The following FER variants were observed in gnomAD, a reference collection of about 807,000 sequenced individuals.
FER encodes the protein FER tyrosine kinase.
A neutral mutation model predicts 111.0 loss-of-function variants in FER; 63 were observed. The ratio of observed to expected loss-of-function variants is 0.57; its 90% CI spans 0.46 to 0.70. The LOEUF (loss-of-function observed/expected upper bound fraction) is 0.70, where lower values mean the gene tolerates loss of function less well. Among genes scored for constraint, FER ranks in the 30% least tolerant of loss-of-function variants. The pLI is 0.00. For missense variants in FER, 914 were observed against 954.0 expected (o/e 0.96, Z 0.55); for synonymous variants, 327 against 313.9 (o/e 1.04, Z -0.44).
intron 17 of FER, among the ~76,000 whole-genome samples, chr5:109,175,671 A>G (rs1757600539): frequency 1.3e-5 from 2 of 152,240 alleles, no homozygotes; most frequent in South Asian, 4.1e-4. Context: ...AACCTGTAGA[A>G]TGGAAGAAAA....
At position 109,030,190 on chromosome 5, in the gene FER, A is replaced by G. The variant is rs565242216; in HGVS notation, c.1657-7232A>G. Among the ~76,000 whole-genome samples, 14 of 152,116 alleles carry G rather than the reference A, an allele frequency of 9.2e-5. No individual in the cohort carries two copies. In the South Asian group the frequency reaches 2.3e-3, roughly 25 times the overall value. ...TCTTTTTTTAATAACTTCTGTTTCTATGGCTGAGATAATCTATGTGTTTTC... is the reference window on the plus strand; with the variant it reads ...TCTTTTTTTAATAACTTCTGTTTCTGTGGCTGAGATAATCTATGTGTTTTC... On this transcript the variant is annotated intron_variant, in intron 13 of 19. Transcript: ENST00000281092.
At chr5:109,055,196 G>A (rs891217796) in intron 16 of FER, among the ~76,000 whole-genome samples, 6 of 152,024 alleles carry the variant, frequency 3.9e-5, no homozygotes, top group Non-Finnish European at 8.8e-5. Context: ...TATAAAACCA[G>A]AAACAATAAA....
chr5:108,920,172 A>C (rs1752839209), intron 10 of FER, among the ~76,000 whole-genome samples: 1 of 152,108 alleles, frequency 6.6e-6, no homozygotes, highest in African/African-American at 2.4e-5. Context: ...AAATTGAGGT[A>C]TTTTATCACC....
chr5:109,054,643 G>C (rs565875094), intron 16 of FER, among the ~76,000 whole-genome samples: 1 of 151,734 alleles, frequency 6.6e-6, no homozygotes, highest in Admixed American at 6.6e-5. Context: ...ATACTTTTTT[G>C]ATGGTATATC....
At chr5:108,879,701 A>AAAAAAATATATATAT in intron 8 of FER, among the ~76,000 whole-genome samples, 25 of 99,096 alleles carry the variant, frequency 2.5e-4, no homozygotes, top group African/African-American at 1.1e-3. Context: ...ATTAAAAAAA[A>AAAAAAATATATATAT]ATATATATAT....
At chr5:108,982,466 C>G (rs1364737457) in intron 13 of FER, among the ~76,000 whole-genome samples, 3 of 152,002 alleles carry the variant, frequency 2.0e-5, no homozygotes, top group Non-Finnish European at 1.5e-5. Flanking sequence ...TCCTAATGAT[C>G]AAGAATCAGT....
intron 3 of FER, chr5:108,820,043 T>G (rs1350878231): frequency 3.0e-6 from 3 of 984,820 alleles, no homozygotes; most frequent in Non-Finnish European, 3.6e-6. Context: ...GGAAAGGGAA[T>G]GGGAAAGAGT....
intron 17 of FER, among the ~76,000 whole-genome samples, chr5:109,136,331 AG>A (rs1159952040): frequency 2.0e-5 from 3 of 152,004 alleles, no homozygotes; most frequent in African/African-American, 4.8e-5. Context: ...CAATAAAAAA[AG>A]GATTGAACAG....
At chr5:109,157,649 A>T (rs945477158) in intron 17 of FER, among the ~76,000 whole-genome samples, 1 of 151,970 alleles carries the variant, frequency 6.6e-6, no homozygotes, top group Non-Finnish European at 1.5e-5. Flanking sequence ...TATTTTCCTT[A>T]GTGACTTTCC....
chr5:109,015,650 C>T (rs1428168831), intron 13 of FER, among the ~76,000 whole-genome samples: 1 of 151,980 alleles, frequency 6.6e-6, no homozygotes, highest in Non-Finnish European at 1.5e-5. Context: ...GCAGGATCAG[C>T]ACATCATGCC....
chr5:109,106,390 C>T (rs917081341), intron 17 of FER, among the ~76,000 whole-genome samples: 1 of 151,920 alleles, frequency 6.6e-6, no homozygotes, highest in Non-Finnish European at 1.5e-5. Flanking sequence ...TAGAATGCCC[C>T]CTTATGCTTT....
chr5:109,085,813 C>G (rs1167189001), intron 16 of FER, among the ~76,000 whole-genome samples: 1 of 151,746 alleles, frequency 6.6e-6, no homozygotes, highest in Non-Finnish European at 1.5e-5. Context: ...GATACGATTA[C>G]ATGATTTTTC....
chr5:108,924,638 C>T, intron 10 of FER: 1 of 1,231,874 alleles, frequency 8.1e-7, no homozygotes, highest in Non-Finnish European at 1.0e-6. Flanking sequence ...CCCACTGTCA[C>T]TATCTCTTAG....
intron 16 of FER, among the ~76,000 whole-genome samples, chr5:109,057,699 A>G (rs562480443): frequency 6.6e-6 from 1 of 152,216 alleles, no homozygotes; most frequent in Non-Finnish European, 1.5e-5. Context: ...GAACCTGCAT[A>G]GTACCATATC....
At chr5:108,800,208 T>C (rs556417688) in intron 3 of FER, among the ~76,000 whole-genome samples, 6 of 152,198 alleles carry the variant, frequency 3.9e-5, no homozygotes, top group Admixed American at 2.0e-4. Context: ...CTTATCTGCT[T>C]TTCATTTTCT....
chr5:108,862,078 A>T (rs1580925624), intron 5 of FER, among the ~76,000 whole-genome samples: 1 of 152,196 alleles, frequency 6.6e-6, no homozygotes, highest in African/African-American at 2.4e-5. Context: ...ATCTGTCAAA[A>T]CATAACCTGA....
At chr5:108,871,581 A>G in intron 7 of FER, 79 bp downstream of exon 7, 2 of 1,058,796 alleles carry the variant, frequency 1.9e-6, no homozygotes, top group Non-Finnish European at 2.7e-6. Flanking sequence ...ACAGATAAAA[A>G]TAAGAAATAC....
chr5:108,894,710 C>T (rs747187934), intron 9 of FER: 13 of 209,478 alleles, frequency 6.2e-5, no homozygotes, highest in Non-Finnish European at 1.3e-4. Context: ...TTCCACATGC[C>T]TGGGGAGGCC....
chr5:109,164,027 A>C lies in FER; in HGVS notation c.2049-16720A>C, dbSNP rs192057313. ...TGTTGTATTAGTAGTCAGTCACCCAAATACCTAAGCTGCATAAAACCTAAA... is the reference window on the plus strand; with the variant it reads ...TGTTGTATTAGTAGTCAGTCACCCACATACCTAAGCTGCATAAAACCTAAA... On this transcript the variant is annotated intron_variant, in intron 17 of 19. Transcript: ENST00000281092. Among the ~76,000 whole-genome samples, 61 of 152,298 alleles carry C rather than the reference A, an allele frequency of 4.0e-4. 1 individual carries two copies. The highest frequency in any genetic ancestry group is 1.2e-3 in the Admixed American group (19 of 15,286).
Sources: allele counts gnomAD v4.1 joint callset (sites outside exome capture counted in the v4.1 genomes callset), GRCh38; gene constraint gnomAD v4.1.1; transcripts MANE v1.5; gene names NCBI Gene and HGNC (gene_info 2026-07-23, HGNC 2026-07-21).